PRSS23: variants seen among roughly 807,000 people sequenced by gnomAD.
PRSS23 encodes the protein serine protease 23, also known as protease, serine 23.
In PRSS23, 25 loss-of-function variants were observed where a neutral mutation model predicts 34.7. The observed-to-expected ratio is 0.72, with a 90% CI of 0.53 to 1.01. PRSS23 has a LOEUF of 1.01. Among genes scored for constraint, PRSS23 ranks in the 50% least tolerant of loss-of-function variants. The pLI is 0.00. For synonymous variants in PRSS23, 176 were observed against 186.6 expected (o/e 0.94, Z 0.46); for missense variants, 445 against 475.6 (o/e 0.94, Z 0.60).
intron 2 of PRSS23, among the ~76,000 whole-genome samples, chr11:86,887,777 C>T (rs1353461815): frequency 1.3e-5 from 2 of 152,072 alleles, no homozygotes; most frequent in African/African-American, 4.8e-5. Flanking sequence ...GTTGGCTGGG[C>T]GCAGTGGCTC....
chr11:86,850,191 T>C (rs1948518577), intron 2 of PRSS23, among the ~76,000 whole-genome samples: 1 of 152,188 alleles, frequency 6.6e-6, no homozygotes, highest in Non-Finnish European at 1.5e-5. Context: ...ATCGAGGCCA[T>C]CAAGCTACAA....
intron 2 of PRSS23, among the ~76,000 whole-genome samples, chr11:86,928,693 A>AT (rs1192469987): frequency 0.069 from 2,135 of 30,926 alleles, 237 homozygotes; most frequent in Non-Finnish European, 0.13. Flanking sequence ...AAAAAAAAAA[A>AT]AAAAAAAAAA....
chr11:86,798,227 T>C (rs868755770), upstream of PRSS23, among the ~76,000 whole-genome samples: 1 of 152,238 alleles, frequency 6.6e-6, no homozygotes, highest in African/African-American at 2.4e-5. Flanking sequence ...AAAATTTTTA[T>C]AATAAAAGAT....
intron 2 of PRSS23, among the ~76,000 whole-genome samples, chr11:86,849,016 A>C (rs1379874593): frequency 6.6e-6 from 1 of 152,188 alleles, no homozygotes; most frequent in East Asian, 1.9e-4. Context: ...CAGAGGATGA[A>C]GGCCCCCTGG....
rs538483870 is a variant in PRSS23, at chr11:86,871,970, A to C, written c.206+48377A>C. Among the ~76,000 whole-genome samples the C allele has an allele frequency of 2.9e-4, 44 of 152,374 alleles. 1 individual carries two copies. The highest frequency in any genetic ancestry group is 1.0e-3 in the African/African-American group (43 of 41,596). On this transcript the variant is annotated intron_variant, in intron 2 of 2. Transcript: ENST00000533902. ...CACATAGGTTGGTAAACATCTATGT[A>C]ACTAAAGCTATCTCAAATGGCATAA... is the stretch of plus-strand genomic sequence containing the variant.
intron 2 of PRSS23, among the ~76,000 whole-genome samples, chr11:86,884,130 G>A (rs1371476640): frequency 1.3e-5 from 2 of 151,980 alleles, no homozygotes; most frequent in Non-Finnish European, 2.9e-5. Context: ...TTCCTCCCCA[G>A]TTTTTGGCAT....
intron 2 of PRSS23, among the ~76,000 whole-genome samples, chr11:86,863,331 A>T (rs1372983071): frequency 6.6e-6 from 1 of 152,210 alleles, no homozygotes; most frequent in Admixed American, 6.5e-5. Context: ...CTATGCCTTC[A>T]TATAAACTTT....
upstream of PRSS23, chr11:86,800,312 T>C (rs1948014581): frequency 2.7e-6 from 1 of 364,274 alleles, no homozygotes; most frequent in South Asian, 1.1e-4. Flanking sequence ...TGGCGACTGC[T>C]GCCGCGCCAC....
rs375070326 is a variant in PRSS23, at chr11:86,836,928, T to G, written c.206+13335T>G. 2.0e-5 allele frequency: 3 copies of G among 152,344 alleles called. No homozygotes were observed. In the East Asian group the frequency reaches 5.8e-4, roughly 29 times the overall value. The allele number at this position is 152,344 out of a possible 1,614,324, so 9.4% of individuals were successfully genotyped here. On this transcript the variant is annotated intron_variant, in intron 2 of 2. Transcript: ENST00000533902. Reference sequence around the variant, plus strand: ...ATATAAGCAATTCACAAGTAATGTTTTCAGATTTCAGAGCAATCCACACTC... The same window carrying G: ...ATATAAGCAATTCACAAGTAATGTTGTCAGATTTCAGAGCAATCCACACTC...
chr11:86,874,170 A>C (rs935038572), intron 2 of PRSS23, among the ~76,000 whole-genome samples: 1 of 152,112 alleles, frequency 6.6e-6, no homozygotes, highest in Non-Finnish European at 1.5e-5. Flanking sequence ...AGTTCGAAGG[A>C]AGTTCACCAA....
intron 2 of PRSS23, among the ~76,000 whole-genome samples, chr11:86,824,324 A>AAAAT (rs1948279699): frequency 8.7e-6 from 1 of 114,610 alleles, no homozygotes; most frequent in South Asian, 3.0e-4. Context: ...AAATAAAAAT[A>AAAAT]AAAATAAAAA....
chr11:86,878,901 C>T (rs1193136547), intron 2 of PRSS23, among the ~76,000 whole-genome samples: 1 of 141,916 alleles, frequency 7.0e-6, no homozygotes, highest in Non-Finnish European at 1.5e-5. Flanking sequence ...AAGTGAGGAG[C>T]GTCTCTGCCC....
chr11:86,886,085 C>T (rs1948800256), intron 2 of PRSS23, among the ~76,000 whole-genome samples: 1 of 152,130 alleles, frequency 6.6e-6, no homozygotes, highest in Admixed American at 6.6e-5. Context: ...TGCAACAGAC[C>T]AGCCATGATG....
At chr11:86,842,800 T>A (rs987611937) in intron 2 of PRSS23, among the ~76,000 whole-genome samples, 4 of 152,218 alleles carry the variant, frequency 2.6e-5, no homozygotes, top group Admixed American at 6.5e-5. Flanking sequence ...GAACATTCCA[T>A]GCTCATGGGT....
At chr11:86,911,702 ATTG>A (rs1948978833) in intron 2 of PRSS23, 1 of 152,214 alleles carries the variant, frequency 6.6e-6, no homozygotes, top group African/African-American at 2.4e-5. Context: ...TTTTAAAAGT[ATTG>A]TCATAGAACC....
At chr11:86,871,204 G>A (rs1201501463) in intron 2 of PRSS23, among the ~76,000 whole-genome samples, 1 of 152,138 alleles carries the variant, frequency 6.6e-6, no homozygotes, top group Non-Finnish European at 1.5e-5. Flanking sequence ...TTTAGGGTGG[G>A]TGTAGAGTTG....
At chr11:86,796,259 A>G (rs1388204862), upstream of PRSS23, among the ~76,000 whole-genome samples, 1 of 152,208 alleles carries the variant, frequency 6.6e-6, no homozygotes, top group African/African-American at 2.4e-5. Context: ...GTACTGTAGT[A>G]TGGCACCGAG....
intron 2 of PRSS23, chr11:86,949,200 AACAT>A (rs1949269019): frequency 6.6e-6 from 1 of 152,150 alleles, no homozygotes; most frequent in Non-Finnish European, 1.5e-5. Context: ...TGCCTTCCAA[AACAT>A]ACAATCGACT....
At chr11:86,939,218 A>C (rs1590936813) in intron 2 of PRSS23, 1 of 288,890 alleles carries the variant, frequency 3.5e-6, no homozygotes, top group East Asian at 1.1e-4. Flanking sequence ...TTTTCTCCCA[A>C]GCAAACACAT....
Sources: allele counts gnomAD v4.1 joint callset (sites outside exome capture counted in the v4.1 genomes callset), GRCh38; gene constraint gnomAD v4.1.1; transcripts MANE v1.5; gene names NCBI Gene and HGNC (gene_info 2026-07-23, HGNC 2026-07-21).